Variants in DCTD observed in about 807,000 individuals in gnomAD.
DCTD encodes deoxycytidylate deaminase.
In DCTD, 23 loss-of-function variants were observed where a neutral mutation model predicts 21.0. The ratio of observed to expected loss-of-function variants is 1.09; its 90% confidence interval spans 0.79 to 1.55. The LOEUF is 1.55. Ranked by LOEUF, DCTD falls within the 40% of genes most tolerant of loss-of-function variation. The pLI is 0.00. For missense variants in DCTD, 224 were observed against 230.0 expected, an observed-to-expected ratio of 0.97 and a Z score of 0.17; for synonymous variants, 71 against 81.1, an observed-to-expected ratio of 0.88 and a Z score of 0.67.
intron 3 of DCTD, among the ~76,000 whole-genome samples, chr4:182,913,574 A>G (rs540934355): frequency 9.2e-5 from 14 of 152,268 alleles, no homozygotes; most frequent in Non-Finnish European, 2.1e-4. Context: ...AAAAACCCAG[A>G]AGAAAACCTA....
intron 4 of DCTD, 23 bp downstream of exon 4, chr4:182,894,466 A>T: frequency 6.8e-7 from 1 of 1,465,120 alleles, no homozygotes. Context: ...CAAATGTGAC[A>T]AATGGAAAGA....
chr4:182,900,789 C>T (rs1161225317), intron 3 of DCTD, among the ~76,000 whole-genome samples: 1 of 151,648 alleles, frequency 6.6e-6, no homozygotes, highest in Non-Finnish European at 1.5e-5. Flanking sequence ...CAGATTAATG[C>T]TTAGAAGGCC....
intron 1 of DCTD, chr4:182,916,420 A>C: frequency 1.0e-6 from 1 of 985,678 alleles, no homozygotes; most frequent in Non-Finnish European, 1.2e-6. Flanking sequence ...GGTGGGTACC[A>C]CGGAGAAATC....
At chr4:182,910,124 G>A (rs1737420393) in intron 3 of DCTD, among the ~76,000 whole-genome samples, 1 of 152,064 alleles carries the variant, frequency 6.6e-6, no homozygotes, top group Non-Finnish European at 1.5e-5. Flanking sequence ...TCCCTCCCTG[G>A]TGCAGTGAGA....
chr4:182,897,089 T>G (rs1211592846), intron 3 of DCTD, among the ~76,000 whole-genome samples: 2 of 152,152 alleles, frequency 1.3e-5, no homozygotes, highest in Non-Finnish European at 2.9e-5. Flanking sequence ...CTCTACTTCA[T>G]CCCAGGCAGT....
Position 182,915,543 on chromosome 4 carries a change from C to T in DCTD, c.26G>A (p.Arg9Gln), listed in dbSNP as rs1367129393. The T allele has an allele frequency of 8.1e-6, 13 of 1,613,372 alleles. No homozygotes were observed. Among genetic ancestry groups the T allele is most frequent in the Non-Finnish European group, 8.5e-6 (10 of 1,179,320 alleles). MSEVSCKK[R>Q]DDYLEWPEYF... ...CTCTGGCCATTCCAAATAGTCGTCC[C>T]GTTTCTTGCAGGAAACTTCACTCAT... The change falls in exon 2 of 6, where the codon CGG becomes CAG. Residue 9 changes from arginine to glutamine, a missense_variant. Transcript: ENST00000438320.
chr4:182,908,362 T>G (rs1443498376), intron 3 of DCTD, among the ~76,000 whole-genome samples: 1 of 152,138 alleles, frequency 6.6e-6, no homozygotes, highest in Admixed American at 6.5e-5. Context: ...CCTGTGTTTC[T>G]AAGCAAAGAC....
At chr4:182,895,692 C>T (rs79253762) in intron 3 of DCTD, among the ~76,000 whole-genome samples, 3,808 of 152,298 alleles carry the variant, frequency 0.025, 65 homozygotes, top group Non-Finnish European at 0.039. Flanking sequence ...CGTCTTGTAT[C>T]GTTACTGAAT....
At chr4:182,892,401 C>T (rs947140187) in intron 5 of DCTD, among the ~76,000 whole-genome samples, 1 of 152,186 alleles carries the variant, frequency 6.6e-6, no homozygotes, top group Non-Finnish European at 1.5e-5. Flanking sequence ...CCCCAGGTGG[C>T]TCACACCTGT....
intron 3 of DCTD, among the ~76,000 whole-genome samples, chr4:182,900,526 C>T (rs762619175): frequency 3.3e-5 from 5 of 151,376 alleles, no homozygotes; most frequent in African/African-American, 4.9e-5. Context: ...TTTTTATATT[C>T]GTAGTAGGAA....
rs779256460 is a variant in DCTD, at chr4:182,893,041, C to A, written c.448G>T (p.Val150Leu). The change falls in exon 5 of 6, where the codon GTG becomes TTG. Residue 150 changes from valine to leucine, a missense_variant. Coordinates refer to ENST00000438320, the MANE Select transcript of DCTD (RefSeq NM_001921.3). ...ATTCTCCCCACTTACCGGAATGTCA[C>A]CCCGGCCATATTAAACAGGAGCCTC... ...AARLLFNMAG[V>L]TFRKFIPKCS... The A allele has an allele frequency of 1.5e-5, 24 of 1,609,268 alleles. No homozygotes were observed. Among genetic ancestry groups the A allele is most frequent in the Non-Finnish European group, 1.8e-5 (21 of 1,176,264 alleles).
chr4:182,916,500 A>G, intron 1 of DCTD: 1 of 985,644 alleles, frequency 1.0e-6, no homozygotes, highest in African/African-American at 1.7e-5. Context: ...CAGGCTCCAC[A>G]CTTTATTTAG....
chr4:182,895,834 T>C (rs748972696), intron 3 of DCTD, among the ~76,000 whole-genome samples: 19 of 152,264 alleles, frequency 1.2e-4, no homozygotes, highest in Non-Finnish European at 2.8e-4. Flanking sequence ...CAGAGTGTGA[T>C]GGCCTGGGCT....
intron 2 of DCTD, 30 bp downstream of exon 2, chr4:182,915,431 T>C (rs377413336): frequency 1.0e-5 from 14 of 1,381,658 alleles, no homozygotes; most frequent in African/African-American, 2.8e-5. Flanking sequence ...CCTGTGAGTA[T>C]CTAAGCATTC....
At chr4:182,897,506 CCATATATATATATATATATTTA>C (rs1296226234) in intron 3 of DCTD, among the ~76,000 whole-genome samples, 2 of 120,982 alleles carry the variant, frequency 1.7e-5, no homozygotes, top group African/African-American at 7.1e-5. Context: ...TATTTAGCAC[CCATATATATATATATATATTTA>C]CATATATATA....
At chr4:182,909,319 C>T (rs1737273578) in intron 3 of DCTD, among the ~76,000 whole-genome samples, 1 of 151,992 alleles carries the variant, frequency 6.6e-6, no homozygotes, top group African/African-American at 2.4e-5. Flanking sequence ...CTGGTGTGTC[C>T]CTCTGTTTAT....
At chr4:182,899,334 T>C (rs1245988383) in intron 3 of DCTD, among the ~76,000 whole-genome samples, 3 of 152,150 alleles carry the variant, frequency 2.0e-5, no homozygotes, top group Non-Finnish European at 2.9e-5. Flanking sequence ...CCTGCCTTTG[T>C]GGGCACTTCC....
intron 3 of DCTD, among the ~76,000 whole-genome samples, chr4:182,910,311 G>A (rs1312211664): frequency 1.3e-5 from 2 of 152,164 alleles, no homozygotes; most frequent in African/African-American, 2.4e-5. Context: ...GTTTAACAAC[G>A]GGAACAAGTT....
At chr4:182,900,127 C>A (rs978889379) in intron 3 of DCTD, among the ~76,000 whole-genome samples, 3 of 152,098 alleles carry the variant, frequency 2.0e-5, no homozygotes, top group Non-Finnish European at 4.4e-5. Context: ...ACAGCTTAGG[C>A]AACATAGTGA....
Sources: gnomAD v4.1 joint callset for allele counts (sites outside exome capture counted in the v4.1 genomes callset) on GRCh38, gnomAD v4.1.1 for gene constraint, MANE v1.5 for transcripts, NCBI Gene and HGNC (gene_info 2026-07-23, HGNC 2026-07-21) for gene names.